ZNF300: variants seen among roughly 807,000 people sequenced by gnomAD.
The protein encoded by ZNF300 is zinc finger protein 300.
In ZNF300, 6 loss-of-function variants were observed where a neutral mutation model predicts 13.9. That is an observed-to-expected ratio of 0.43 (90% CI 0.24 to 0.85). The LOEUF (loss-of-function observed/expected upper bound fraction) is 0.85, where lower values mean the gene tolerates loss of function less well. ZNF300 is among the 40% of genes least tolerant of loss of function. The pLI is 0.25. For missense variants in ZNF300, 662 were observed against 714.2 expected (o/e 0.93, Z 0.83); for synonymous variants, 237 against 242.2 (o/e 0.98, Z 0.20).
intron 3 of ZNF300, 118 bp downstream of exon 3, chr5:150,903,017 TTCGAGG>T (rs1755037948): frequency 2.0e-6 from 2 of 995,418 alleles, no homozygotes; most frequent in East Asian, 2.4e-5. Context: ...TAGAAACTCT[TTCGAGG>T]TCTTGATCTT....
At chr5:150,904,400 T>C (rs1755078771) in intron 1 of ZNF300, among the ~76,000 whole-genome samples, 1 of 151,874 alleles carries the variant, frequency 6.6e-6, no homozygotes, top group East Asian at 1.9e-4. Context: ...AACTCCCCCA[T>C]GTCCATCACA....
chr5:150,901,964 G>A (rs10035986), intron 3 of ZNF300, among the ~76,000 whole-genome samples: 3,539 of 152,046 alleles, frequency 0.023, 140 homozygotes, highest in African/African-American at 0.081. Context: ...AAAGAAAAGC[G>A]CAAGAAAATA....
chr5:150,898,255 T>C (rs939122048), intron 4 of ZNF300, 71 bp from the exon 5 acceptor site: 13 of 1,601,182 alleles, frequency 8.1e-6, no homozygotes, highest in Admixed American at 1.7e-5. Context: ...CAGTTTCAGA[T>C]GGTCTACAAT....
chr5:150,903,040 T>C (rs1054454050), intron 3 of ZNF300, 101 bp downstream of exon 3: 1 of 1,246,910 alleles, frequency 8.0e-7, no homozygotes, highest in Non-Finnish European at 1.1e-6. Flanking sequence ...TCTTTGTTGT[T>C]ACCACCTTTT....
At chr5:150,898,301 CT>C (rs1754870236) in intron 4 of ZNF300, 117 bp from the exon 5 acceptor site, 1 of 1,588,754 alleles carries the variant, frequency 6.3e-7, no homozygotes, top group African/African-American at 1.3e-5. Flanking sequence ...AAGGCATAAC[CT>C]CCATTTGCAA....
At chr5:150,898,347 A>G (rs11741861) in intron 4 of ZNF300, 81 bp downstream of exon 4, 146,175 of 1,609,248 alleles carry the variant, frequency 0.091, 9,208 homozygotes, top group East Asian at 0.36. Flanking sequence ...GACATATGTC[A>G]GGAACAATCT....
In ZNF300 at chr5:150,896,256, G is replaced by C; in HGVS notation, c.983C>G (p.Ser328Cys). Residue 328 changes from serine (S) to cysteine (C), a missense_variant, in exon 6 of 6, where the codon TCT (serine) becomes TGT (cysteine). By Grantham distance (112) the Ser-to-Cys change is moderately radical. Coordinates refer to ENST00000274599, the MANE Select transcript of ZNF300 (RefSeq NM_052860.4). ...CTGAGAGAAGGCTTTTCCACATTCAGAACAATCATAAGGTTTCTCCCCAGT... is the reference window on the plus strand; with the variant it reads ...CTGAGAGAAGGCTTTTCCACATTCACAACAATCATAAGGTTTCTCCCCAGT... ...THTGEKPYDC[S>C]ECGKAFSQKS... 1 of 1,613,654 alleles carries C rather than the reference G, an allele frequency of 6.2e-7. No individual in the cohort carries two copies. The highest frequency in any genetic ancestry group is 8.5e-7 in the Non-Finnish European group (1 of 1,179,776).
At position 150,899,407 on chromosome 5, in the gene ZNF300, G is replaced by A. The variant is rs112204243; in HGVS notation, c.16-853C>T. Among the ~76,000 whole-genome samples the A allele has an allele frequency of 3.8e-3, 573 of 151,658 alleles. 3 individuals are homozygous for A. The highest frequency in any genetic ancestry group is 0.027 in the East Asian group (139 of 5,060). On this transcript the variant is annotated intron_variant, in intron 3 of 5. Transcript: ENST00000274599. ...TATAGAGCAGAAATGCCCTTTGTAA[G>A]TACATTTTTTTTTAAAAAAAGAAAA...
In ZNF300 at chr5:150,896,896, C is replaced by T; in HGVS notation, c.343G>A (p.Val115Ile). 1 of 1,613,548 alleles carries T rather than the reference C, an allele frequency of 6.2e-7. No individual in the cohort carries two copies. Among genetic ancestry groups the T allele is most frequent in the Non-Finnish European group, 8.5e-7 (1 of 1,179,690 alleles). Residue 115 changes from valine (V) to isoleucine (I), a missense_variant, in exon 6 of 6, where the codon GTC becomes ATC. Physicochemically the swap from Val to Ile is conservative, Grantham distance 29. Coordinates refer to ENST00000274599, the MANE Select transcript of ZNF300 (RefSeq NM_052860.4). ...VSFHHKILKGVTRDGSLCSIL... is the reference protein window; with the variant it reads ...VSFHHKILKGITRDGSLCSIL... The stretch of plus-strand genomic sequence containing the variant: ...GAGCACAATGAACCATCCCTTGTGA[C>T]TCCTTTCAGTATCTTATGATGGAAG...
chr5:150,904,560 A>T (rs982877823), intron 1 of ZNF300, 144 bp downstream of exon 1: 14 of 151,854 alleles, frequency 9.2e-5, no homozygotes, highest in African/African-American at 3.4e-4. Context: ...CTCACCTCTC[A>T]CTTCCCTGTT....
At position 150,904,950 on chromosome 5, in the gene ZNF300, G is replaced by C. The variant is rs754755530; in HGVS notation, c.-388C>G. 1 of 152,344 alleles carries C rather than the reference G, an allele frequency of 6.6e-6. No homozygotes were observed. The highest frequency in any genetic ancestry group is 1.5e-5 in the Non-Finnish European group (1 of 68,160). 9.4% of individuals were successfully genotyped at this position (152,344 alleles called of 1,614,324 possible). A position where few individuals can be genotyped will look rare whatever the true frequency, so the allele number is the denominator to read the frequency against. On this transcript the variant is annotated 5_prime_UTR_variant, in exon 1 of 6. Coordinates refer to ENST00000274599, the MANE Select transcript of ZNF300 (RefSeq NM_052860.4). ...CTCCCTGGAGCTGTTTCCGCATGGG[G>C]CCGCCATCTTGAGAGCCCGGTCGTC...
intron 2 of ZNF300, 111 bp from the exon 3 acceptor site, chr5:150,903,293 G>A (rs1392836932): frequency 2.5e-6 from 4 of 1,592,590 alleles, no homozygotes; most frequent in South Asian, 1.1e-5. Context: ...AGTAACTAAT[G>A]GGCTACCCTG....
intron 3 of ZNF300, among the ~76,000 whole-genome samples, chr5:150,898,915 A>G (rs1052989228): frequency 6.6e-6 from 1 of 152,046 alleles, no homozygotes; most frequent in African/African-American, 2.4e-5. Flanking sequence ...TTGAAGTCCT[A>G]ACCCCCAGTA....
chr5:150,898,764 C>T (rs1056226846), intron 3 of ZNF300, among the ~76,000 whole-genome samples: 2 of 151,890 alleles, frequency 1.3e-5, no homozygotes, highest in African/African-American at 4.8e-5. Context: ...TAATTTCATA[C>T]ATTTTAAAGG....
Position 150,898,171 on chromosome 5 carries a change from G to A in ZNF300, c.156C>T (p.Ser52=), listed in dbSNP as rs753524848. 6.2e-7 allele frequency: 1 copy of A among 1,613,254 alleles called. No homozygotes were observed. The highest frequency in any genetic ancestry group is 8.5e-7 in the Non-Finnish European group (1 of 1,179,640). The stretch of plus-strand genomic sequence containing the variant: ...CCAACTTGGAGATGACATCTGGTTT[G>A]GAAACTGGATACCCTATTAAACAGA... ...SHLVSMGYPV[S]KPDVISKLEQ... The change falls in exon 5 of 6, where the codon TCC becomes TCT. Residue 52 remains serine, a synonymous_variant. Coordinates refer to ENST00000274599, the MANE Select transcript of ZNF300 (RefSeq NM_052860.4).
intron 4 of ZNF300, 58 bp from the exon 5 acceptor site, chr5:150,898,242 G>A: frequency 1.2e-6 from 2 of 1,605,780 alleles, no homozygotes; most frequent in African/African-American, 2.7e-5. Context: ...AAAAGAGAAG[G>A]TGCAGTTTCA....
At chr5:150,899,882 T>C (rs762316379) in intron 3 of ZNF300, among the ~76,000 whole-genome samples, 3 of 152,172 alleles carry the variant, frequency 2.0e-5, no homozygotes, top group Admixed American at 6.6e-5. Flanking sequence ...ACTTTCAGAA[T>C]GAAAATGATT....
rs912873167 is a variant in ZNF300 at position 150,896,161 on chromosome 5, T to C, written c.1078A>G (p.Lys360Glu). The C allele has an allele frequency of 6.2e-7, 1 of 1,613,474 alleles. No homozygotes were observed. The highest frequency in any genetic ancestry group is 8.5e-7 in the Non-Finnish European group (1 of 1,179,748). The change falls in exon 6 of 6, where the codon AAA (lysine) becomes GAA (glutamate). Residue 360 changes from lysine (K) to glutamate (E), a missense_variant. Coordinates refer to ENST00000274599, the MANE Select transcript of ZNF300 (RefSeq NM_052860.4). ...AGGGGTGATTTCTGGGAGAAGGCTT[T>C]CCCGCATTCACTACATTCATAGGGT... The part of the protein sequence containing the change: ...EKPYECSECG[K>E]AFSQKSPLII...
chr5:150,903,079 T>C lies in ZNF300; in HGVS notation c.15+62A>G, dbSNP rs1454268131. 3 of 1,534,748 alleles carry C rather than the reference T, an allele frequency of 2.0e-6. No homozygotes were observed. The Admixed American group carries it at 5.5e-5, about 28-fold the overall frequency. Reference sequence around the variant, plus strand: ...TCATCCAGATTTTAGCTAACTTTACTTTCCATTTGATTGTATGAAAAACCA... The same window carrying C: ...TCATCCAGATTTTAGCTAACTTTACCTTCCATTTGATTGTATGAAAAACCA... On this transcript the variant is annotated intron_variant, in intron 3 of 5. Transcript: ENST00000274599.
Sources: gnomAD v4.1 joint callset for allele counts (sites outside exome capture counted in the v4.1 genomes callset) on GRCh38, gnomAD v4.1.1 for gene constraint, MANE v1.5 for transcripts, NCBI Gene and HGNC (gene_info 2026-07-23, HGNC 2026-07-21) for gene names.